The following GLUD1 variants were observed in gnomAD, a reference collection of about 807,000 sequenced individuals.
GLUD1 encodes glutamate dehydrogenase 1, also known as glutamate dehydrogenase 1, mitochondrial.
A neutral mutation model predicts 56.0 loss-of-function variants in GLUD1; 22 were observed. The observed-to-expected ratio is 0.39, with a 90% CI of 0.28 to 0.56. The LOEUF (loss-of-function observed/expected upper bound fraction) is 0.56, where lower values mean the gene tolerates loss of function less well. Among genes scored for constraint, GLUD1 ranks in the 20% least tolerant of loss-of-function variants. GLUD1 has a pLI of 0.58. For missense variants in GLUD1, 451 were observed against 732.0 expected, an observed-to-expected ratio of 0.62 and a Z score of 4.43; for synonymous variants, 223 against 269.9, an observed-to-expected ratio of 0.83 and a Z score of 1.70.
chr10:87,081,072 G>T (rs1841231585), intron 1 of GLUD1, among the ~76,000 whole-genome samples: 1 of 142,916 alleles, frequency 7.0e-6, no homozygotes, highest in Non-Finnish European at 1.5e-5. Context: ...GAGGTGGGGG[G>T]GTCAGCCCCC....
chr10:87,051,697 G>A lies in GLUD1; in HGVS notation c.*54C>T, dbSNP rs1845635482. The A allele has an allele frequency of 1.3e-6, 2 of 1,587,246 alleles. No homozygotes were observed. The highest frequency in any genetic ancestry group is 1.7e-6 in the Non-Finnish European group (2 of 1,157,466). On this transcript the variant is annotated 3_prime_UTR_variant, in exon 13 of 13. Transcript: ENST00000277865. The stretch of plus-strand genomic sequence containing the variant: ...TGTGGTTACATGTAAACTTGTGATA[G>A]GTCTGCAGAAGTTACATGTGAAGAG...
In GLUD1 at chr10:87,060,818, C is replaced by T; in HGVS notation, c.1067G>A (p.Gly356Glu). Residue 356 changes from glycine (G) to glutamate (E), a missense_variant, in exon 8 of 13, where the codon GGG becomes GAG. By Grantham distance (98) the Gly-to-Glu change is moderately conservative. Transcript: ENST00000277865. ...TGCCTTGGGGAAGCCCAGAATGGAC[C>T]CATGTTGCTGCCATTGATTGAAAAT... The part of the protein sequence containing the change: ...KELEDFKLQH[G>E]SILGFPKAKP... The T allele has an allele frequency of 6.2e-7, 1 of 1,614,058 alleles. No homozygotes were observed. The highest frequency in any genetic ancestry group is 8.5e-7 in the Non-Finnish European group (1 of 1,180,014).
rs1845626080 is a variant in GLUD1 at position 87,051,275 on chromosome 10, T to C, written c.*476A>G. 12 of 193,792 alleles carry C rather than the reference T, an allele frequency of 6.2e-5. No homozygotes were observed. The South Asian group carries it at 1.5e-3, about 25-fold the overall frequency. The allele number at this position is 193,792 out of a possible 1,614,324, so 12.0% of individuals were successfully genotyped here. The stretch of plus-strand genomic sequence containing the variant: ...GTTTGCAACCTGCAAAATTGAATTA[T>C]TTTGCTGATATAAAATACTAAGAAC... On this transcript the variant is annotated 3_prime_UTR_variant, in exon 13 of 13. Transcript: ENST00000277865.
At chr10:87,051,912 A>C (rs1845640884) in intron 12 of GLUD1, 42 bp from the exon 13 acceptor site, 1 of 1,612,744 alleles carries the variant, frequency 6.2e-7, no homozygotes, top group Non-Finnish European at 8.5e-7. Context: ...ATCCTGACTC[A>C]AGTGGCCAGG....
intron 1 of GLUD1, among the ~76,000 whole-genome samples, chr10:87,077,488 C>T (rs1469642375): frequency 2.0e-5 from 3 of 151,380 alleles, no homozygotes; most frequent in Non-Finnish European, 4.4e-5. Context: ...AAGCCATTTT[C>T]CCTTTCTGAG....
At chr10:87,066,444 G>A (rs1293404542) in intron 5 of GLUD1, among the ~76,000 whole-genome samples, 1 of 152,024 alleles carries the variant, frequency 6.6e-6, no homozygotes, top group Non-Finnish European at 1.5e-5. Context: ...TTTTTCTACT[G>A]GCCTTTCTTA....
chr10:87,094,172 G>T lies in GLUD1; in HGVS notation c.445+153C>A, dbSNP rs1589393243. The T allele has an allele frequency of 1.4e-6, 2 of 1,391,324 alleles. No individual in the cohort carries two copies. Among genetic ancestry groups the T allele is most frequent in the Non-Finnish European group, 1.9e-6 (2 of 1,047,986 alleles). 86.2% of individuals were successfully genotyped at this position (1,391,324 alleles called of 1,614,324 possible). On this transcript the variant is annotated intron_variant, in intron 1 of 12. Transcript: ENST00000277865. The surrounding 1 kb of genome is among the most constrained non-coding windows in gnomAD (Gnocchi z 6.6). ...CGGAAAAATCACCATCCACAGAGCC[G>T]GCCACATCCGAGGCGGGGTGACCCG...
At chr10:87,057,904 T>C (rs1845829762) in intron 10 of GLUD1, 122 bp from the exon 11 acceptor site, 2 of 665,700 alleles carry the variant, frequency 3.0e-6, no homozygotes, top group South Asian at 1.6e-5. Flanking sequence ...AGTCGTGGTC[T>C]GTCACCCAGG....
At chr10:87,054,784 T>G (rs1845721982) in intron 11 of GLUD1, among the ~76,000 whole-genome samples, 1 of 152,152 alleles carries the variant, frequency 6.6e-6, no homozygotes, top group Non-Finnish European at 1.5e-5. Context: ...AAACTGCTGA[T>G]GTAGGAGAGA....
At chr10:87,067,655 C>A in intron 5 of GLUD1, 1 of 204,872 alleles carries the variant, frequency 4.9e-6, no homozygotes, top group Non-Finnish European at 1.0e-5. Flanking sequence ...AGGTCTAGCC[C>A]AAATATCTCC....
intron 2 of GLUD1, 28 bp from the exon 3 acceptor site, chr10:87,076,051 T>C (rs748107111): frequency 6.5e-7 from 1 of 1,533,804 alleles, no homozygotes; most frequent in East Asian, 2.2e-5. Context: ...TGGTTGCTAT[T>C]CCATATAAAT....
At chr10:87,077,772 C>A (rs1381282681) in intron 1 of GLUD1, among the ~76,000 whole-genome samples, 3 of 151,874 alleles carry the variant, frequency 2.0e-5, no homozygotes. Flanking sequence ...GTGCTTGGGG[C>A]ACTGGGTGTT....
chr10:87,080,999 G>C (rs548503408), intron 1 of GLUD1, among the ~76,000 whole-genome samples: 3 of 134,514 alleles, frequency 2.2e-5, no homozygotes, highest in Admixed American at 2.2e-4. Flanking sequence ...CCGGCCAGCC[G>C]CCCCGTCCGG....
intron 4 of GLUD1, 142 bp from the exon 5 acceptor site, chr10:87,068,299 C>G (rs1341605798): frequency 1.5e-6 from 1 of 659,492 alleles, no homozygotes; most frequent in East Asian, 2.8e-5. Flanking sequence ...TAATCAAAGT[C>G]ATAGAAATAT....
At chr10:87,093,823 A>T in intron 1 of GLUD1, 3 of 892,154 alleles carry the variant, frequency 3.4e-6, no homozygotes, top group Non-Finnish European at 4.8e-6. Context: ...TAGATTTCAA[A>T]CTTAGAAGCC....
At chr10:87,079,983 G>C (rs79309756) in intron 1 of GLUD1, among the ~76,000 whole-genome samples, 1 of 142,424 alleles carries the variant, frequency 7.0e-6, no homozygotes, top group Non-Finnish European at 1.5e-5. Context: ...TCCCTCTGAT[G>C]CCGAGCGGAA....
At chr10:87,059,071 TTCTC>T (rs1277671899) in intron 10 of GLUD1, 75 bp downstream of exon 10, 15 of 1,511,368 alleles carry the variant, frequency 9.9e-6, no homozygotes, top group Non-Finnish European at 1.1e-5. Context: ...AAGGGATCAG[TTCTC>T]TTAAGTGGAC....
intron 2 of GLUD1, 146 bp downstream of exon 2, chr10:87,076,430 T>C (rs1473439631): frequency 3.1e-5 from 21 of 683,008 alleles, no homozygotes; most frequent in Non-Finnish European, 5.1e-5. Context: ...TTAGACTAAT[T>C]GAAAAATGAT....
chr10:87,093,851 C>T (rs1382197270), intron 1 of GLUD1: 3 of 1,111,370 alleles, frequency 2.7e-6, no homozygotes, highest in African/African-American at 3.2e-5. Flanking sequence ...TTTCTATGTT[C>T]GGATATCATC....
Sources: gnomAD v4.1 joint callset for allele counts (sites outside exome capture counted in the v4.1 genomes callset) on GRCh38, gnomAD v4.1.1 for gene constraint, Gnocchi (gnomAD v3.1) non-coding constraint, MANE v1.5 for transcripts, NCBI Gene and HGNC (gene_info 2026-07-23, HGNC 2026-07-21) for gene names.